Variants in KLHL5 observed in about 807,000 individuals in gnomAD.
KLHL5 encodes the protein kelch like family member 5.
Under a neutral mutation model 77.7 loss-of-function variants are expected in KLHL5, and 48 were observed. The ratio of observed to expected loss-of-function variants is 0.62; its 90% confidence interval spans 0.49 to 0.79. KLHL5 has a LOEUF of 0.79. Ranked by LOEUF, KLHL5 falls within the 30% of genes least tolerant of loss-of-function variation. The pLI, the probability that KLHL5 is intolerant of heterozygous loss-of-function variation, is 0.00. For synonymous variants in KLHL5, 260 were observed against 297.0 expected (o/e 0.88, Z 1.28); for missense variants, 723 against 859.7 (o/e 0.84, Z 1.99).
At chr4:39,095,118 C>T (rs141711039) in intron 5 of KLHL5, among the ~76,000 whole-genome samples, 1 of 151,858 alleles carries the variant, frequency 6.6e-6, no homozygotes, top group Non-Finnish European at 1.5e-5. Context: ...GTGTGTATTA[C>T]AAGGAACTCT....
intron 1 of KLHL5, among the ~76,000 whole-genome samples, chr4:39,074,444 T>G (rs16995083): frequency 0.029 from 4,344 of 152,306 alleles, 181 homozygotes; most frequent in African/African-American, 0.098. Context: ...TCAACCCGTG[T>G]ATAGAGAAAG....
chr4:39,123,102 G>T lies in KLHL5; in HGVS notation c.*2036G>T, dbSNP rs1211954611. Among the ~76,000 whole-genome samples the T allele has an allele frequency of 6.6e-6, 1 of 152,132 alleles. No individual in the cohort carries two copies. Among genetic ancestry groups the T allele is most frequent in the African/African-American group, 2.4e-5 (1 of 41,424 alleles). ...ACTATAAACAAATTTATTCATAGAA[G>T]CATTGTTGCCAACAATTTAGATGAC... On this transcript the variant is annotated 3_prime_UTR_variant, in exon 11 of 11. Transcript: ENST00000504108.
Position 39,086,679 on chromosome 4 carries a change from T to C in KLHL5, c.1065T>C (p.Asp355=), listed in dbSNP as rs202137199. Reference sequence around the variant, plus strand: ...ATGATTTGGAACAGAGACGGAAAGATCTAAGTAAACTTTTGGCTTATATTA... The same window carrying C: ...ATGATTTGGAACAGAGACGGAAAGACCTAAGTAAACTTTTGGCTTATATTA... ...VRHDLEQRRK[D]LSKLLAYIRL... Residue 355 remains aspartate (D), a synonymous_variant, in exon 5 of 11, where the codon GAT becomes GAC. Transcript: ENST00000504108. 1 of 1,614,012 alleles carries C rather than the reference T, an allele frequency of 6.2e-7. No homozygotes were observed.
intron 5 of KLHL5, among the ~76,000 whole-genome samples, chr4:39,091,756 A>T (rs1446418315): frequency 1.4e-5 from 2 of 145,524 alleles, no homozygotes; most frequent in East Asian, 4.2e-4. Flanking sequence ...CTGCAGCCTC[A>T]AACTCCTGGG....
the KLHL5 span, among the ~76,000 whole-genome samples, chr4:39,135,919 C>G: frequency 6.6e-6 from 1 of 151,578 alleles, no homozygotes; most frequent in East Asian, 1.9e-4. Flanking sequence ...AACAAACAAA[C>G]TGGCGTATAT....
At chr4:39,107,388 A>AACCCACCC (rs534175264) in intron 7 of KLHL5, among the ~76,000 whole-genome samples, 181 bp from the exon 8 acceptor site, 1 of 144,542 alleles carries the variant, frequency 6.9e-6, no homozygotes, top group Non-Finnish European at 1.5e-5. Flanking sequence ...GTGCTATTTC[A>AACCCACCC]ACCCACCCAC....
rs561317152 is a variant in KLHL5, at chr4:39,122,110, A to G, written c.*1044A>G. 7.2e-5 allele frequency: 11 copies of G among 152,742 alleles called. No individual in the cohort carries two copies. The South Asian group carries it at 2.3e-3, about 32-fold the overall frequency. The allele number at this position is 152,742 out of a possible 1,614,324, so 9.5% of individuals were successfully genotyped here. A position where few individuals can be genotyped will look rare whatever the true frequency, so the allele number is the denominator to read the frequency against. ...AAGTTTTTTACATTTTTAAACTCTA[A>G]TTACATATGTGAATGTTATTACTCT... On this transcript the variant is annotated 3_prime_UTR_variant, in exon 11 of 11. Transcript: ENST00000504108.
At chr4:39,135,788 C>T in the KLHL5 span, among the ~76,000 whole-genome samples, 1 of 152,064 alleles carries the variant, frequency 6.6e-6, no homozygotes, top group Admixed American at 6.6e-5. Flanking sequence ...CCTGTAATCC[C>T]AGCTACTTGG....
intron 1 of KLHL5, among the ~76,000 whole-genome samples, chr4:39,068,364 A>G (rs1347900238): frequency 6.6e-6 from 1 of 152,102 alleles, no homozygotes; most frequent in East Asian, 1.9e-4. Context: ...CCCCTCTCAC[A>G]TATATGCCCA....
chr4:39,127,732 T>G (rs1022752519), downstream of KLHL5, among the ~76,000 whole-genome samples: 1 of 152,128 alleles, frequency 6.6e-6, no homozygotes, highest in African/African-American at 2.4e-5. Flanking sequence ...CCCAAAGTGC[T>G]GGGATTGTAG....
chr4:39,052,303 C>G (rs1292192192), intron 1 of KLHL5, among the ~76,000 whole-genome samples: 5 of 151,824 alleles, frequency 3.3e-5, no homozygotes, highest in Admixed American at 2.0e-4. Flanking sequence ...TGTATTTTTA[C>G]TAGAGATGGG....
chr4:39,055,482 A>C (rs1201203905), intron 1 of KLHL5, among the ~76,000 whole-genome samples: 1 of 152,250 alleles, frequency 6.6e-6, no homozygotes, highest in Non-Finnish European at 1.5e-5. Context: ...TATGCAAGAC[A>C]AAGGACCCAA....
chr4:39,065,386 C>T (rs1009275515), intron 1 of KLHL5, among the ~76,000 whole-genome samples: 2 of 147,932 alleles, frequency 1.4e-5, no homozygotes, highest in Non-Finnish European at 3.0e-5. Context: ...GACAGAGTCT[C>T]GCTCTGTTAC....
chr4:39,109,151 G>A (rs4974997), intron 8 of KLHL5, among the ~76,000 whole-genome samples: 173 of 151,722 alleles, frequency 1.1e-3, no homozygotes, highest in Non-Finnish European at 2.1e-3. Context: ...GAAAGTATGC[G>A]GTTGGTTGAA....
intron 9 of KLHL5, among the ~76,000 whole-genome samples, chr4:39,114,885 C>T (rs1380108637): frequency 6.6e-6 from 1 of 152,140 alleles, no homozygotes; most frequent in Non-Finnish European, 1.5e-5. Flanking sequence ...ATTGCTTTCC[C>T]CAAATTTTCG....
At chr4:39,141,454 G>GC in the KLHL5 span, among the ~76,000 whole-genome samples, 1 of 151,704 alleles carries the variant, frequency 6.6e-6, no homozygotes, top group Non-Finnish European at 1.5e-5. Context: ...GACTACAGGC[G>GC]CCCGCCACCA....
intron 5 of KLHL5, among the ~76,000 whole-genome samples, chr4:39,088,063 G>A (rs997363086): frequency 6.6e-6 from 1 of 152,122 alleles, no homozygotes; most frequent in Non-Finnish European, 1.5e-5. Flanking sequence ...TTTTTAAAAG[G>A]GAGTTACATT....
chr4:39,139,152 G>T, the KLHL5 span, among the ~76,000 whole-genome samples: 1 of 151,910 alleles, frequency 6.6e-6, no homozygotes. Context: ...CATGTTGGCA[G>T]ACGCCTGTAA....
chr4:39,099,445 G>A (rs1408912652), intron 6 of KLHL5, among the ~76,000 whole-genome samples: 1 of 152,124 alleles, frequency 6.6e-6, no homozygotes, highest in East Asian at 1.9e-4. Flanking sequence ...TCAATCTCCT[G>A]ACAATCTCTC....
Sources: gnomAD v4.1 joint callset for allele counts (sites outside exome capture counted in the v4.1 genomes callset) on GRCh38, gnomAD v4.1.1 for gene constraint, MANE v1.5 for transcripts, NCBI Gene and HGNC (gene_info 2026-07-23, HGNC 2026-07-21) for gene names.